The following DDHD1 variants were observed in gnomAD, a reference collection of about 807,000 sequenced individuals.
DDHD1 encodes phospholipase DDHD1.
A neutral mutation model predicts 96.4 loss-of-function variants in DDHD1; 49 were observed. The ratio of observed to expected loss-of-function variants is 0.51; its 90% CI spans 0.40 to 0.64. DDHD1 has a LOEUF of 0.64. Ranked by LOEUF, DDHD1 falls within the 30% of genes least tolerant of loss-of-function variation. The pLI, the probability that DDHD1 is intolerant of heterozygous loss-of-function variation, is 0.00. For missense variants in DDHD1, 1,106 were observed against 1,161.2 expected (o/e 0.95, Z 0.69); for synonymous variants, 442 against 446.5 (o/e 0.99, Z 0.13).
chr14:53,100,235 G>C (rs140971048), intron 2 of DDHD1, among the ~76,000 whole-genome samples: 3 of 152,172 alleles, frequency 2.0e-5, no homozygotes, highest in Admixed American at 2.0e-4. Flanking sequence ...GGCACTTTGT[G>C]GGGGCTGAAG....
chr14:53,102,630 G>A (rs1420668011), intron 2 of DDHD1, among the ~76,000 whole-genome samples: 1 of 148,032 alleles, frequency 6.8e-6, no homozygotes, highest in Non-Finnish European at 1.5e-5. Context: ...TTCCTTGCTT[G>A]TGACAAATGT....
rs200587867 is a variant in DDHD1, at chr14:53,083,828, A to ATTAC, written c.1289+7953_1289+7956dup. Among the ~76,000 whole-genome samples the ATTAC allele has an allele frequency of 8.5e-3, 1,291 of 152,244 alleles. 11 individuals are homozygous for ATTAC. The highest frequency in any genetic ancestry group is 0.027 in the Middle Eastern group (8 of 294). ...CTTTTTATATGAATATTTTCCATTGATTACTAAGTTATGTGTAGAATTTTC... is the reference window on the plus strand; with the variant it reads ...CTTTTTATATGAATATTTTCCATTGATTACTTACTAAGTTATGTGTAGAATTTTC... On this transcript the variant is annotated intron_variant, in intron 4 of 12. Transcript: ENST00000673822.
intron 4 of DDHD1, among the ~76,000 whole-genome samples, chr14:53,080,755 A>G (rs937539620): frequency 3.3e-4 from 32 of 95,592 alleles, no homozygotes; most frequent in African/African-American, 1.4e-3. Flanking sequence ...AGGTCTTGCT[A>G]TGTTGCCCCA....
At chr14:53,087,922 T>A (rs1886117485) in intron 4 of DDHD1, among the ~76,000 whole-genome samples, 1 of 151,878 alleles carries the variant, frequency 6.6e-6, no homozygotes, top group Admixed American at 6.6e-5. Flanking sequence ...CTAGCAAGAC[T>A]AACAAAGAAG....
chr14:53,114,720 G>T (rs963994864), intron 1 of DDHD1, among the ~76,000 whole-genome samples: 1 of 152,124 alleles, frequency 6.6e-6, no homozygotes, highest in Non-Finnish European at 1.5e-5. Flanking sequence ...CCATCCAAAG[G>T]TCATCAGCCT....
In DDHD1 at chr14:53,041,335, A is replaced by G. The variant is rs924389006; in HGVS notation, c.*5433T>C. 6.6e-6 allele frequency: 1 copy of G among 152,226 alleles called. No individual in the cohort carries two copies. Among genetic ancestry groups the G allele is most frequent in the East Asian group, 1.9e-4 (1 of 5,192 alleles). The allele number at this position is 152,226 out of a possible 1,614,324, so 9.4% of individuals were successfully genotyped here. The stretch of plus-strand genomic sequence containing the variant: ...CCTTATACAAACACAAAGGCAGAGG[A>G]AAAGTTCACCCTAACAATCTGCCAA... On this transcript the variant is annotated 3_prime_UTR_variant, in exon 13 of 13. Transcript: ENST00000673822.
intron 1 of DDHD1, among the ~76,000 whole-genome samples, chr14:53,130,741 A>G (rs551353866): frequency 1.4e-4 from 21 of 152,280 alleles, no homozygotes; most frequent in African/African-American, 4.8e-4. Context: ...CTGTTGTCCC[A>G]TCTGTGTGGG....
intron 1 of DDHD1, among the ~76,000 whole-genome samples, chr14:53,123,014 G>C (rs1889123616): frequency 6.6e-6 from 1 of 151,826 alleles, no homozygotes; most frequent in African/African-American, 2.4e-5. Context: ...CCGGTAATGA[G>C]AGAGACAGAC....
chr14:53,063,240 T>G, intron 6 of DDHD1, 35 bp from the exon 7 acceptor site: 1 of 1,598,240 alleles, frequency 6.3e-7, no homozygotes, highest in Non-Finnish European at 8.5e-7. Flanking sequence ...CATATTAGAC[T>G]TGTCACTGAC....
At chr14:53,103,060 A>G (rs773631886) in intron 2 of DDHD1, 2 of 1,565,468 alleles carry the variant, frequency 1.3e-6, no homozygotes, top group African/African-American at 2.7e-5. Flanking sequence ...GCCTGCAGTA[A>G]ATGGAACAAT....
At chr14:53,081,891 T>A (rs1885498487) in intron 4 of DDHD1, among the ~76,000 whole-genome samples, 1 of 143,158 alleles carries the variant, frequency 7.0e-6, no homozygotes, top group Admixed American at 7.1e-5. Context: ...AATGAAAAAA[T>A]AATGAGGGAA....
chr14:53,103,827 G>A lies in DDHD1; in HGVS notation c.868C>T (p.Gln290Ter). ...TGCCAAGTGCCGTCAATAAACCACT[G>A]TCCACGCATTACTGGTATTTTATCA... is the stretch of plus-strand genomic sequence containing the variant. Reference protein sequence around the residue: ...QADKIPVMRGQWFIDGTWQPL... With the variant: ...QADKIPVMRG The change falls in exon 2 of 13, where the codon CAG (glutamine) becomes TAG (stop). Residue 290 changes from glutamine to a stop codon, truncating the protein, a stop_gained. Coordinates refer to ENST00000673822, the MANE Select transcript of DDHD1 (RefSeq NM_001160148.2). LOFTEE classifies it high-confidence loss of function. The A allele has an allele frequency of 6.2e-7, 1 of 1,607,684 alleles. No homozygotes were observed. The highest frequency in any genetic ancestry group is 1.1e-5 in the South Asian group (1 of 90,030).
chr14:53,122,653 G>A (rs1415146224), intron 1 of DDHD1, among the ~76,000 whole-genome samples: 2 of 148,394 alleles, frequency 1.3e-5, no homozygotes, highest in African/African-American at 4.9e-5. Context: ...TCTTGGCCCA[G>A]GTTCAAGCAG....
intron 9 of DDHD1, among the ~76,000 whole-genome samples, chr14:53,056,892 A>G (rs1408665837): frequency 6.6e-6 from 1 of 152,250 alleles, no homozygotes; most frequent in Non-Finnish European, 1.5e-5. Flanking sequence ...GAGCAGACCT[A>G]TGAACTGAAA....
rs1387642620 is a variant in DDHD1, at chr14:53,038,642, A to G, written c.*8126T>C. On this transcript the variant is annotated 3_prime_UTR_variant, in exon 13 of 13. Transcript: ENST00000673822. ...GCTGTCCTATCAAACTACCAACCTC[A>G]TTTTTCACAGAGGTTGGAACATTTT... 1 of 152,106 alleles carries G rather than the reference A, an allele frequency of 6.6e-6. No homozygotes were observed. The highest frequency in any genetic ancestry group is 1.5e-5 in the Non-Finnish European group (1 of 67,990). 9.4% of individuals were successfully genotyped at this position (152,106 alleles called of 1,614,324 possible).
At chr14:53,054,094 AT>A in intron 11 of DDHD1, 1 of 186,652 alleles carries the variant, frequency 5.4e-6, no homozygotes, top group Non-Finnish European at 1.1e-5. Flanking sequence ...TAATTACACG[AT>A]TTTTGAGACT....
intron 1 of DDHD1, 148 bp downstream of exon 1, chr14:53,152,113 G>GATCTGTGAAGTGTAGAT: frequency 1.2e-6 from 1 of 833,742 alleles, no homozygotes; most frequent in Non-Finnish European, 1.8e-6. Context: ...AGCTGCCGAC[G>GATCTGTGAAGTGTAGAT]CTCCCTGCTC....
At chr14:53,111,316 T>C (rs570542291) in intron 1 of DDHD1, among the ~76,000 whole-genome samples, 2 of 152,390 alleles carry the variant, frequency 1.3e-5, no homozygotes, top group Admixed American at 1.3e-4. Context: ...GAAAAACATA[T>C]TCTAAGTTAT....
chr14:53,093,405 C>A lies in DDHD1; in HGVS notation c.1052G>T (p.Trp351Leu). Reference protein sequence around the residue: ...SFKLSRNHVDWHSVDEVYLYS... With the variant: ...SFKLSRNHVDLHSVDEVYLYS... ...AAGATATACTTCATCCACACTGTGC[C>A]AGTCCACATGGTTTCGACTCAACTT... Residue 351 changes from tryptophan to leucine, a missense_variant, in exon 3 of 13, where the codon TGG becomes TTG. Physicochemically the swap from Trp to Leu is moderately conservative, Grantham distance 61. Around this residue, in one of 2 missense-constraint regions of DDHD1, gnomAD observed 650 missense variants for 758.8 expected, o/e 0.86. Coordinates refer to ENST00000673822, the MANE Select transcript of DDHD1 (RefSeq NM_001160148.2). The A allele has an allele frequency of 6.2e-7, 1 of 1,612,592 alleles. No individual in the cohort carries two copies. The highest frequency in any genetic ancestry group is 8.5e-7 in the Non-Finnish European group (1 of 1,179,518).
Sources: gnomAD v4.1 joint callset for allele counts (sites outside exome capture counted in the v4.1 genomes callset) on GRCh38, gnomAD v4.1.1 for gene constraint, gnomAD v4.1.1 regional missense constraint, MANE v1.5 for transcripts, NCBI Gene and HGNC (gene_info 2026-07-23, HGNC 2026-07-21) for gene names.